CELF2: variants seen among roughly 807,000 people sequenced by gnomAD.
CELF2 encodes the protein CUGBP Elav-like family member 2.
A neutral mutation model predicts 62.6 loss-of-function variants in CELF2; 8 were observed. That is an observed-to-expected ratio of 0.13 (90% CI 0.07 to 0.23). The LOEUF (loss-of-function observed/expected upper bound fraction) is 0.23. CELF2 is among the 10% of genes least tolerant of loss of function. The pLI is 1.00. For synonymous variants in CELF2, 258 were observed against 250.0 expected (o/e 1.03, Z -0.30); for missense variants, 333 against 671.0 (o/e 0.50, Z 5.56).
chr10:11,065,792 G>A (rs2067970847), intron 1 of CELF2, among the ~76,000 whole-genome samples: 1 of 152,146 alleles, frequency 6.6e-6, no homozygotes, highest in African/African-American at 2.4e-5. Context: ...TCAGGGTGAG[G>A]GGTAGGAATA....
chr10:10,518,531 C>T, the CELF2 span, among the ~76,000 whole-genome samples: 1 of 152,134 alleles, frequency 6.6e-6, no homozygotes, highest in South Asian at 2.1e-4. Context: ...TAATCTCAAA[C>T]ATGGCAAGAG....
At chr10:10,662,122 A>G in the CELF2 span, among the ~76,000 whole-genome samples, 7 of 152,094 alleles carry the variant, frequency 4.6e-5, no homozygotes, top group Non-Finnish European at 5.9e-5. Flanking sequence ...GGTGCATGGG[A>G]GCACCCGCCT....
chr10:11,119,864 T>TCACCCCC (rs1399108400), intron 1 of CELF2, among the ~76,000 whole-genome samples: 1 of 112,106 alleles, frequency 8.9e-6, no homozygotes. Context: ...TGATTCCGCC[T>TCACCCCC]CCCCCCCCCC....
chr10:11,021,271 AAAAT>A (rs1198740931), intron 1 of CELF2, among the ~76,000 whole-genome samples: 3 of 152,246 alleles, frequency 2.0e-5, no homozygotes, highest in Admixed American at 6.5e-5. Flanking sequence ...CAATAAATTA[AAAAT>A]AAATTTTTTT....
the CELF2 span, among the ~76,000 whole-genome samples, chr10:10,630,918 G>A: frequency 2.0e-5 from 3 of 152,138 alleles, no homozygotes; most frequent in Admixed American, 1.3e-4. Context: ...AAGGAGCTGC[G>A]GAGTGCACAA....
At position 11,211,791 on chromosome 10, in the gene CELF2, T is replaced by C. The variant is rs1019708625; in HGVS notation, c.272-5634T>C. Among the ~76,000 whole-genome samples the C allele has an allele frequency of 7.4e-6, 1 of 135,540 alleles. No individual in the cohort carries two copies. Among genetic ancestry groups the C allele is most frequent in the African/African-American group, 2.9e-5 (1 of 34,762 alleles). The allele number at this position is 135,540 out of a possible 152,430, so 88.9% of individuals were successfully genotyped here. A position where few individuals can be genotyped will look rare whatever the true frequency, so the allele number is the denominator to read the frequency against. On this transcript the variant is annotated intron_variant, in intron 2 of 12. Coordinates refer to ENST00000633077, the MANE Select transcript of CELF2 (RefSeq NM_001326342.2). This position sits in a 1 kb window ranked among gnomAD's most constrained non-coding sequence, Gnocchi z 4.8. ...GAGTGAGAGTGTGTGTGTATGTGTG[T>C]GAGAGAGAGAGAGAGAGAGAGAGTG...
chr10:11,191,103 G>C lies in CELF2; in HGVS notation c.271+25421G>C, dbSNP rs1453092725. ...GTTCCCTGAGGTTGGGCAAGCTGCT[G>C]GTCCTCTCTGAATCTGTTTTCTTGT... On this transcript the variant is annotated intron_variant, in intron 2 of 12. Coordinates refer to ENST00000633077, the MANE Select transcript of CELF2 (RefSeq NM_001326342.2). This position sits in a 1 kb window ranked among gnomAD's most constrained non-coding sequence, Gnocchi z 4.1. Among the ~76,000 whole-genome samples, 7 of 152,178 alleles carry C rather than the reference G, an allele frequency of 4.6e-5. No individual in the cohort carries two copies. Among genetic ancestry groups the C allele is most frequent in the Non-Finnish European group, 8.8e-5 (6 of 68,028 alleles).
intron 2 of CELF2, among the ~76,000 whole-genome samples, chr10:11,172,535 C>A (rs1293385963): frequency 6.6e-6 from 1 of 152,148 alleles, no homozygotes; most frequent in Non-Finnish European, 1.5e-5. Flanking sequence ...AGAAGGAATC[C>A]CTTTAAATGC....
In CELF2 at chr10:10,928,747, CT is replaced by C. The variant is rs926616910; in HGVS notation, c.89+8749del. The stretch of plus-strand genomic sequence containing the variant: ...TTCCCAAAGACCCCAGTTTTAACCC[CT>C]ATCCTAGCATCTGTGTCATCCAATA... On this transcript the variant is annotated intron_variant, in intron 2 of 13. Coordinates refer to the CELF2 transcript ENST00000636488. The surrounding 1 kb of genome is among the most constrained non-coding windows in gnomAD (Gnocchi z 4.8). 2.6e-5 allele frequency among the ~76,000 whole-genome samples: 4 copies of C among 152,156 alleles called. No homozygotes were observed. The East Asian group carries it at 5.8e-4, about 22-fold the overall frequency.
the CELF2 span, among the ~76,000 whole-genome samples, chr10:10,705,415 A>G: frequency 6.7e-6 from 1 of 149,658 alleles, no homozygotes; most frequent in Non-Finnish European, 1.5e-5. Context: ...TTAGCCATGG[A>G]GTAACTCTCA....
intron 11 of CELF2, among the ~76,000 whole-genome samples, chr10:11,322,821 T>A (rs1436758427): frequency 6.6e-6 from 1 of 152,140 alleles, no homozygotes; most frequent in Non-Finnish European, 1.5e-5. Context: ...TTCCCCAGGC[T>A]TGTGAAAGAG....
At chr10:11,111,504 A>C (rs565855709) in intron 1 of CELF2, among the ~76,000 whole-genome samples, 13 of 152,336 alleles carry the variant, frequency 8.5e-5, no homozygotes, top group African/African-American at 3.1e-4. Flanking sequence ...ATAGCCCACC[A>C]GTTCTAGAGG....
the CELF2 span, among the ~76,000 whole-genome samples, chr10:10,785,699 A>G: frequency 9.9e-5 from 15 of 152,216 alleles, no homozygotes; most frequent in African/African-American, 3.6e-4. Context: ...AGAGAGTAGA[A>G]GAAGGGTGGT....
chr10:11,142,378 G>T (rs1008757920), intron 1 of CELF2, among the ~76,000 whole-genome samples: 1 of 151,812 alleles, frequency 6.6e-6, no homozygotes, highest in Non-Finnish European at 1.5e-5. Flanking sequence ...TTGGAGTGAC[G>T]ATTAAAAGTG....
the CELF2 span, among the ~76,000 whole-genome samples, chr10:10,719,425 AT>A: frequency 0.017 from 2,510 of 151,802 alleles, 32 homozygotes; most frequent in African/African-American, 0.037. Context: ...GGCCTGGCTA[AT>A]TTTTTTTGTT....
chr10:10,833,510 C>A (rs2058042564), intron 1 of CELF2, among the ~76,000 whole-genome samples: 1 of 152,172 alleles, frequency 6.6e-6, no homozygotes, highest in Non-Finnish European at 1.5e-5. Context: ...TAATTAGGGG[C>A]AGGCAGCATT....
chr10:11,045,073 T>A (rs1265977421), intron 1 of CELF2, among the ~76,000 whole-genome samples: 1 of 152,214 alleles, frequency 6.6e-6, no homozygotes, highest in Non-Finnish European at 1.5e-5. Context: ...TCCAGTACCC[T>A]AAATAATTCA....
chr10:10,691,165 C>A, the CELF2 span, among the ~76,000 whole-genome samples: 1 of 150,682 alleles, frequency 6.6e-6, no homozygotes, highest in African/African-American at 2.5e-5. Context: ...TCTCCCCCCA[C>A]CCCACAACAG....
the CELF2 span, among the ~76,000 whole-genome samples, chr10:10,684,170 A>C: frequency 2.6e-5 from 4 of 152,370 alleles, no homozygotes; most frequent in South Asian, 6.2e-4. Context: ...AGTAGGAGTC[A>C]ACAGATGAGC....
Sources: gnomAD v4.1 joint callset for allele counts (sites outside exome capture counted in the v4.1 genomes callset) on GRCh38, gnomAD v4.1.1 for gene constraint, Gnocchi (gnomAD v3.1) non-coding constraint, MANE v1.5 for transcripts, NCBI Gene and HGNC (gene_info 2026-07-23, HGNC 2026-07-21) for gene names.